The following ZNF407 variants were observed in gnomAD, a reference collection of about 807,000 sequenced individuals.
ZNF407 encodes the protein zinc finger protein 407.
ZNF407 carries 17 observed loss-of-function variants against 131.2 expected under a neutral mutation model. The observed-to-expected ratio is 0.13, with a 90% CI of 0.09 to 0.19. ZNF407 has a LOEUF of 0.19. ZNF407 is among the 10% of genes least tolerant of loss of function. The pLI is 1.00. For synonymous variants in ZNF407, 1,156 were observed against 1,062.0 expected, an observed-to-expected ratio of 1.09 and a Z score of -1.72; for missense variants, 2,681 against 2,830.6, an observed-to-expected ratio of 0.95 and a Z score of 1.20.
chr18:74,873,876 A>G (rs1332446327), intron 4 of ZNF407, among the ~76,000 whole-genome samples: 1 of 152,342 alleles, frequency 6.6e-6, no homozygotes, highest in South Asian at 2.1e-4. Flanking sequence ...CTGAGAGGAC[A>G]CTAAAGGTAT....
chr18:74,916,131 G>GTA, intron 7 of ZNF407, among the ~76,000 whole-genome samples: 1 of 43,710 alleles, frequency 2.3e-5, no homozygotes, highest in Non-Finnish European at 3.9e-5. Context: ...GTGTGTGTGT[G>GTA]TGTGTGTGTG....
chr18:74,709,212 G>A (rs543485590), intron 3 of ZNF407, among the ~76,000 whole-genome samples: 12 of 152,162 alleles, frequency 7.9e-5, no homozygotes, highest in Non-Finnish European at 1.2e-4. Flanking sequence ...AATTGCATAC[G>A]TATCAGTCTT....
chr18:74,743,314 C>T (rs181151676), intron 3 of ZNF407, among the ~76,000 whole-genome samples: 233 of 152,010 alleles, frequency 1.5e-3, no homozygotes, highest in African/African-American at 5.5e-3. Flanking sequence ...ATACTGAACT[C>T]GGAAGGGGAT....
intron 8 of ZNF407, among the ~76,000 whole-genome samples, chr18:75,010,991 T>C (rs1972967829): frequency 6.6e-6 from 1 of 152,166 alleles, no homozygotes; most frequent in South Asian, 2.1e-4. Flanking sequence ...AACTGTGCTT[T>C]ATCCCCTGTG....
At chr18:74,936,356 C>A (rs944612805) in intron 8 of ZNF407, among the ~76,000 whole-genome samples, 14 of 152,128 alleles carry the variant, frequency 9.2e-5, no homozygotes, top group African/African-American at 2.7e-4. Context: ...CCTCATAGTG[C>A]AGACAAAATG....
chr18:74,943,393 A>T (rs1161327615), intron 8 of ZNF407, among the ~76,000 whole-genome samples: 2 of 152,170 alleles, frequency 1.3e-5, no homozygotes, highest in Non-Finnish European at 1.5e-5. Context: ...CATCTGAAGG[A>T]TGAGTTATTT....
chr18:74,996,874 A>T (rs1259177005), intron 8 of ZNF407, among the ~76,000 whole-genome samples: 1 of 152,276 alleles, frequency 6.6e-6, no homozygotes, highest in Admixed American at 6.5e-5. Context: ...TTTTGTAGCT[A>T]TCAGACTTTC....
intron 8 of ZNF407, among the ~76,000 whole-genome samples, chr18:75,016,008 T>G (rs1275511332): frequency 1.3e-5 from 2 of 152,056 alleles, no homozygotes; most frequent in Non-Finnish European, 2.9e-5. Context: ...GCCTTTTTTG[T>G]CAGCTTAAAA....
rs1419889140 is a variant in ZNF407 at position 74,862,432 on chromosome 18, A to T, written c.4878-14765A>T. Reference sequence around the variant, plus strand: ...CAGTGATAGGAGAGAAATAAAAAAAAATTAAATCATACATTTATGAAACCC... The same window carrying T: ...CAGTGATAGGAGAGAAATAAAAAAATATTAAATCATACATTTATGAAACCC... On this transcript the variant is annotated intron_variant, in intron 4 of 8. Coordinates refer to ENST00000299687, the MANE Select transcript of ZNF407 (RefSeq NM_017757.3). Among the ~76,000 whole-genome samples, 6 of 152,228 alleles carry T rather than the reference A, an allele frequency of 3.9e-5. No homozygotes were observed. In the East Asian group the frequency reaches 1.2e-3, roughly 29 times the overall value.
intron 3 of ZNF407, among the ~76,000 whole-genome samples, chr18:74,727,880 A>C (rs890155670): frequency 1.3e-5 from 2 of 152,166 alleles, no homozygotes; most frequent in Non-Finnish European, 2.9e-5. Context: ...TTTTAAGAAG[A>C]TACTTTAAAT....
At chr18:74,840,538 C>G (rs905718736) in intron 4 of ZNF407, among the ~76,000 whole-genome samples, 1 of 152,140 alleles carries the variant, frequency 6.6e-6, no homozygotes, top group Non-Finnish European at 1.5e-5. Flanking sequence ...GCCTCTCTTA[C>G]AGATTTTATT....
chr18:75,059,032 T>A (rs1038236297), intron 8 of ZNF407, among the ~76,000 whole-genome samples: 2 of 152,214 alleles, frequency 1.3e-5, no homozygotes. Context: ...ATTTATGAAC[T>A]GTGATGGACT....
intron 4 of ZNF407, among the ~76,000 whole-genome samples, chr18:74,817,465 A>G (rs1340381152): frequency 6.6e-6 from 1 of 152,190 alleles, no homozygotes; most frequent in Non-Finnish European, 1.5e-5. Context: ...CACTTCTGCA[A>G]TCTTCAGTCA....
chr18:74,777,937 C>T (rs1216097898), intron 3 of ZNF407, among the ~76,000 whole-genome samples: 2 of 152,194 alleles, frequency 1.3e-5, no homozygotes, highest in East Asian at 3.9e-4. Flanking sequence ...ATTTAAATAG[C>T]CAGGCCCAGT....
At chr18:74,943,260 A>G (rs1007267600) in intron 8 of ZNF407, among the ~76,000 whole-genome samples, 2 of 152,142 alleles carry the variant, frequency 1.3e-5, no homozygotes, top group South Asian at 4.1e-4. Context: ...GATATAACTA[A>G]TACATTTTTA....
chr18:74,736,066 A>G (rs1968404611), intron 3 of ZNF407, among the ~76,000 whole-genome samples: 1 of 152,246 alleles, frequency 6.6e-6, no homozygotes, highest in Non-Finnish European at 1.5e-5. Context: ...TCATTAGAAT[A>G]TGCTAAGGAC....
chr18:74,778,446 TCTC>T (rs976851452), intron 3 of ZNF407, among the ~76,000 whole-genome samples: 6 of 152,304 alleles, frequency 3.9e-5, no homozygotes, highest in South Asian at 4.1e-4. Flanking sequence ...TGTAATTTAT[TCTC>T]CTACCACTTG....
chr18:74,714,835 A>G (rs1042404792), intron 3 of ZNF407, among the ~76,000 whole-genome samples: 7 of 152,182 alleles, frequency 4.6e-5, no homozygotes, highest in African/African-American at 1.7e-4. Flanking sequence ...GGGGTAGAAC[A>G]GTCTGACATA....
chr18:74,678,558 C>T (rs189113452), intron 3 of ZNF407, among the ~76,000 whole-genome samples: 141 of 152,294 alleles, frequency 9.3e-4, no homozygotes, highest in Middle Eastern at 6.8e-3. Flanking sequence ...GTCAGTTTAT[C>T]TTCATGATTT....
Sources: gnomAD v4.1 joint callset for allele counts (sites outside exome capture counted in the v4.1 genomes callset) on GRCh38, gnomAD v4.1.1 for gene constraint, MANE v1.5 for transcripts, NCBI Gene and HGNC (gene_info 2026-07-23, HGNC 2026-07-21) for gene names.